C14orf132: variants seen among roughly 807,000 people sequenced by gnomAD.
The protein encoded by C14orf132 is chromosome 14 open reading frame 132.
C14orf132 carries 6 observed loss-of-function variants against 5.8 expected under a neutral mutation model. The ratio of observed to expected loss-of-function variants is 1.03; its 90% CI spans 0.57 to 2.04. C14orf132 has a LOEUF of 2.04. Ranked by LOEUF, C14orf132 falls within the 30% of genes most tolerant of loss-of-function variation. The pLI, the probability that C14orf132 is intolerant of heterozygous loss-of-function variation, is 0.00. For synonymous variants in C14orf132, 51 were observed against 49.8 expected (o/e 1.02, Z -0.10); for missense variants, 125 against 115.8 (o/e 1.08, Z -0.37).
intron 1 of C14orf132, among the ~76,000 whole-genome samples, chr14:96,079,215 G>A (rs1006249203): frequency 6.6e-6 from 1 of 152,142 alleles, no homozygotes; most frequent in African/African-American, 2.4e-5. Context: ...TTTCTGTCAC[G>A]CCATAGCACC....
intron 1 of C14orf132, among the ~76,000 whole-genome samples, chr14:96,064,037 C>T (rs948044339): frequency 3.9e-5 from 6 of 152,078 alleles, no homozygotes; most frequent in African/African-American, 1.5e-4. Flanking sequence ...CACCTTATTC[C>T]TGCAAGAATG....
At chr14:96,058,003 G>A (rs182901670) in intron 1 of C14orf132, among the ~76,000 whole-genome samples, 7 of 152,278 alleles carry the variant, frequency 4.6e-5, no homozygotes, top group Admixed American at 2.0e-4. Context: ...TGGGCTCTCC[G>A]TTGAACGTGT....
At position 96,090,772 on chromosome 14, in the gene C14orf132, A is replaced by G. The variant is rs1397215928; in HGVS notation, c.*4037A>G. ...CTTTTCCAGCCCCGGTTCAGCTGGA[A>G]GGCTTGGAGGCTGGCCAGACCACTC... On this transcript the variant is annotated 3_prime_UTR_variant, in exon 2 of 2. Coordinates refer to ENST00000555004, the MANE Select transcript of C14orf132 (RefSeq NM_001252507.3). 2.2e-6 allele frequency: 1 copy of G among 455,946 alleles called. No homozygotes were observed. The highest frequency in any genetic ancestry group is 4.4e-6 in the Non-Finnish European group (1 of 226,794). The allele number at this position is 455,946 out of a possible 1,614,324, so 28.2% of individuals were successfully genotyped here. A position where few individuals can be genotyped will look rare whatever the true frequency, so the allele number is the denominator to read the frequency against.
chr14:96,052,390 G>A (rs768298829), intron 1 of C14orf132, among the ~76,000 whole-genome samples: 2 of 152,188 alleles, frequency 1.3e-5, no homozygotes, highest in African/African-American at 4.8e-5. Context: ...TGCTCCCCCC[G>A]GGAGAGGCTA....
intron 1 of C14orf132, among the ~76,000 whole-genome samples, chr14:96,040,860 G>A (rs1273233972): frequency 6.6e-6 from 1 of 152,070 alleles, no homozygotes; most frequent in Non-Finnish European, 1.5e-5. Flanking sequence ...AAACTAAGGA[G>A]GCTTTCCAGG....
At chr14:96,085,925 C>T (rs947123462) in intron 1 of C14orf132, among the ~76,000 whole-genome samples, 2 of 151,888 alleles carry the variant, frequency 1.3e-5, no homozygotes, top group East Asian at 1.9e-4. Flanking sequence ...TTAAAAAACA[C>T]GTTTAAATGT....
intron 1 of C14orf132, among the ~76,000 whole-genome samples, chr14:96,062,159 T>C (rs529926377): frequency 6.6e-6 from 1 of 152,228 alleles, no homozygotes; most frequent in South Asian, 2.1e-4. Flanking sequence ...TCATGGCTTT[T>C]CTCCAGCAAG....
At chr14:96,071,830 T>A (rs78660984) in intron 1 of C14orf132, among the ~76,000 whole-genome samples, 4,587 of 152,338 alleles carry the variant, frequency 0.03, 229 homozygotes, top group African/African-American at 0.1. Flanking sequence ...CTGCCAGGGC[T>A]GGTGGACATC....
At chr14:96,075,691 T>G (rs1887842643) in intron 1 of C14orf132, among the ~76,000 whole-genome samples, 1 of 152,240 alleles carries the variant, frequency 6.6e-6, no homozygotes, top group Non-Finnish European at 1.5e-5. Context: ...ATGATTGTTT[T>G]GTTTCTTCAT....
rs565490662 is a variant in C14orf132 at position 96,054,938 on chromosome 14, C to T, written c.27+15411C>T. Among the ~76,000 whole-genome samples the T allele has an allele frequency of 2.6e-5, 4 of 152,328 alleles. No individual in the cohort carries two copies. In the South Asian group the frequency reaches 8.3e-4, roughly 32 times the overall value. On this transcript the variant is annotated intron_variant, in intron 1 of 1. Coordinates refer to ENST00000555004, the MANE Select transcript of C14orf132 (RefSeq NM_001252507.3). ...TTTGACTCATTCTGAGAGGAGATCT[C>T]TCTTTCCTAAACACTGCTGTTCAGC... is the stretch of plus-strand genomic sequence containing the variant.
At chr14:96,049,262 A>C (rs1886925586) in intron 1 of C14orf132, among the ~76,000 whole-genome samples, 1 of 152,086 alleles carries the variant, frequency 6.6e-6, no homozygotes, top group African/African-American at 2.4e-5. Context: ...CTGTGGACAT[A>C]AATTTTTAAG....
At chr14:96,079,383 T>C (rs759522711) in intron 1 of C14orf132, among the ~76,000 whole-genome samples, 2 of 152,220 alleles carry the variant, frequency 1.3e-5, no homozygotes, top group African/African-American at 2.4e-5. Context: ...TCCCAACCTG[T>C]GTTGCCTCTT....
chr14:96,089,335 CA>C lies in C14orf132; in HGVS notation c.*2601del, dbSNP rs1395096720. The stretch of plus-strand genomic sequence containing the variant: ...CTAACTCCTTACAATCACCACACAG[CA>C]TCATCGCCCCAGTGCACAGATGAGG... On this transcript the variant is annotated 3_prime_UTR_variant, in exon 2 of 2. Coordinates refer to ENST00000555004, the MANE Select transcript of C14orf132 (RefSeq NM_001252507.3). The C allele has an allele frequency of 6.6e-6, 1 of 152,418 alleles. No homozygotes were observed. Among genetic ancestry groups the C allele is most frequent in the East Asian group, 1.9e-4 (1 of 5,194 alleles). The allele number at this position is 152,418 out of a possible 1,614,324, so 9.4% of individuals were successfully genotyped here.
At chr14:96,076,769 A>T (rs1887880029) in intron 1 of C14orf132, among the ~76,000 whole-genome samples, 1 of 152,232 alleles carries the variant, frequency 6.6e-6, no homozygotes. Flanking sequence ...TTCTTTTCTC[A>T]TATAAACAAT....
chr14:96,061,177 C>T (rs1439821991), intron 1 of C14orf132, among the ~76,000 whole-genome samples: 1 of 152,092 alleles, frequency 6.6e-6, no homozygotes, highest in Non-Finnish European at 1.5e-5. Context: ...CTCAAGAAGT[C>T]CTCACAGCAC....
At chr14:96,045,960 A>C (rs1328924141) in intron 1 of C14orf132, among the ~76,000 whole-genome samples, 1 of 152,150 alleles carries the variant, frequency 6.6e-6, no homozygotes, top group Non-Finnish European at 1.5e-5. Flanking sequence ...TGGTGCCTCT[A>C]GGCAACTTGG....
chr14:96,067,345 G>A (rs1887561939), intron 1 of C14orf132, among the ~76,000 whole-genome samples: 1 of 152,156 alleles, frequency 6.6e-6, no homozygotes, highest in Admixed American at 6.5e-5. Flanking sequence ...GCTCTGGGTG[G>A]GACCCCTTTT....
intron 1 of C14orf132, among the ~76,000 whole-genome samples, chr14:96,066,672 C>A (rs1887539579): frequency 1.3e-5 from 2 of 152,074 alleles, no homozygotes; most frequent in African/African-American, 4.8e-5. Flanking sequence ...CAACCCGTAT[C>A]CTACAAGTGC....
At chr14:96,065,534 C>T (rs1887506037) in intron 1 of C14orf132, among the ~76,000 whole-genome samples, 1 of 152,054 alleles carries the variant, frequency 6.6e-6, no homozygotes, top group Non-Finnish European at 1.5e-5. Flanking sequence ...ACTTTTATTC[C>T]TTTTGTCCTC....
Sources: gnomAD v4.1 joint callset for allele counts (sites outside exome capture counted in the v4.1 genomes callset) on GRCh38, gnomAD v4.1.1 for gene constraint, MANE v1.5 for transcripts, NCBI Gene and HGNC (gene_info 2026-07-23, HGNC 2026-07-21) for gene names.